The following ANKS1A variants were observed in gnomAD, a reference collection of about 807,000 sequenced individuals.
ANKS1A encodes ankyrin repeat and sterile alpha motif domain containing 1A.
ANKS1A carries 55 observed loss-of-function variants against 120.3 expected under a neutral mutation model. The ratio of observed to expected loss-of-function variants is 0.46; its 90% CI spans 0.37 to 0.57. ANKS1A has a LOEUF of 0.57. Among genes scored for constraint, ANKS1A ranks in the 20% least tolerant of loss-of-function variants. The pLI, the probability that ANKS1A is intolerant of heterozygous loss-of-function variation, is 0.00. For missense variants in ANKS1A, 1,123 were observed against 1,480.3 expected (o/e 0.76, Z 3.96); for synonymous variants, 590 against 604.7 (o/e 0.98, Z 0.36).
chr6:34,939,399 G>C (rs2127481478), intron 1 of ANKS1A, among the ~76,000 whole-genome samples: 1 of 152,344 alleles, frequency 6.6e-6, no homozygotes, highest in East Asian at 1.9e-4. Context: ...TTTGCCTGCA[G>C]ATCTTGTTGA....
intron 10 of ANKS1A, among the ~76,000 whole-genome samples, chr6:34,997,033 A>G (rs747980252): frequency 6.6e-6 from 1 of 152,096 alleles, no homozygotes; most frequent in Non-Finnish European, 1.5e-5. Context: ...ATTTAGAATC[A>G]GCTTATTGAT....
chr6:35,088,295 C>T (rs1778102885), intron 23 of ANKS1A, among the ~76,000 whole-genome samples: 1 of 152,186 alleles, frequency 6.6e-6, no homozygotes, highest in African/African-American at 2.4e-5. Flanking sequence ...AAGGAAGCGG[C>T]GCCCATAGGC....
At chr6:35,018,475 AG>A (rs1774158968) in intron 11 of ANKS1A, among the ~76,000 whole-genome samples, 1 of 152,016 alleles carries the variant, frequency 6.6e-6, no homozygotes, top group East Asian at 1.9e-4. Context: ...AGGGGTGTTT[AG>A]GGGAGGACAG....
intron 1 of ANKS1A, among the ~76,000 whole-genome samples, chr6:34,964,107 G>GA (rs1292127557): frequency 6.6e-6 from 1 of 152,064 alleles, no homozygotes; most frequent in African/African-American, 2.4e-5. Flanking sequence ...TTGCTGTACA[G>GA]AATCCCACTT....
chr6:34,917,769 C>T (rs922695796), intron 1 of ANKS1A, among the ~76,000 whole-genome samples: 7 of 152,350 alleles, frequency 4.6e-5, no homozygotes, highest in African/African-American at 1.7e-4. Flanking sequence ...GGTCTCACCT[C>T]TCCAAGCATG....
chr6:34,925,647 A>G (rs1478685057), intron 1 of ANKS1A, among the ~76,000 whole-genome samples: 1 of 152,196 alleles, frequency 6.6e-6, no homozygotes, highest in Admixed American at 6.5e-5. Flanking sequence ...TGTATGGGGT[A>G]TGAGGGAAAA....
At chr6:35,015,429 G>T (rs1348942300) in intron 10 of ANKS1A, among the ~76,000 whole-genome samples, 1 of 152,160 alleles carries the variant, frequency 6.6e-6, no homozygotes, top group East Asian at 1.9e-4. Flanking sequence ...AACCCAGGAG[G>T]CAGAGGTTGC....
At chr6:35,022,122 T>C (rs1774375568) in intron 11 of ANKS1A, among the ~76,000 whole-genome samples, 1 of 152,182 alleles carries the variant, frequency 6.6e-6, no homozygotes, top group Non-Finnish European at 1.5e-5. Context: ...ACTGCAGGGA[T>C]GGGAGAGCCC....
chr6:35,032,877 T>A (rs180743240), intron 11 of ANKS1A, among the ~76,000 whole-genome samples: 28 of 152,344 alleles, frequency 1.8e-4, no homozygotes, highest in African/African-American at 6.7e-4. Flanking sequence ...ACTGAATGTC[T>A]TATGACTTTC....
chr6:34,998,613 G>A lies in ANKS1A; in HGVS notation c.1423+4191G>A, dbSNP rs571399307. 9.9e-5 allele frequency among the ~76,000 whole-genome samples: 15 copies of A among 152,226 alleles called. No individual in the cohort carries two copies. The East Asian group carries it at 1.2e-3, about 12-fold the overall frequency. ...TCTGTTCTATTTCACTCTGACCACC[G>A]TTGCATGCAGCCCCTGTCACGTACC... On this transcript the variant is annotated intron_variant, in intron 10 of 23. Transcript: ENST00000360359.
intron 1 of ANKS1A, among the ~76,000 whole-genome samples, chr6:34,899,422 G>A (rs1883639): frequency 0.073 from 11,065 of 151,956 alleles, 606 homozygotes; most frequent in East Asian, 0.23. Context: ...TGAGGCCAGA[G>A]GATCACTTGA....
rs35521731 is a variant in ANKS1A at position 35,006,187 on chromosome 6, T to TAA, written c.1424-11267_1424-11266dup. 1.7e-4 allele frequency among the ~76,000 whole-genome samples: 22 copies of TAA among 128,286 alleles called. No individual in the cohort carries two copies. In the East Asian group the frequency reaches 2.3e-3, roughly 14 times the overall value. The allele number at this position is 128,286 out of a possible 152,430, so 84.2% of individuals were successfully genotyped here. The stretch of plus-strand genomic sequence containing the variant: ...TGGGTGACAGAGCAAGACTCTGTCT[T>TAA]AAAAAAAAAAAAAAAAAAAATCAAG... On this transcript the variant is annotated intron_variant, in intron 10 of 23. Coordinates refer to ENST00000360359, the MANE Select transcript of ANKS1A (RefSeq NM_015245.3).
chr6:35,044,274 C>T lies in ANKS1A; in HGVS notation c.2011-9825C>T, dbSNP rs966697709. Among the ~76,000 whole-genome samples the T allele has an allele frequency of 5.9e-5, 9 of 152,216 alleles. No homozygotes were observed. The highest frequency in any genetic ancestry group is 1.9e-4 in the African/African-American group (8 of 41,446). On this transcript the variant is annotated intron_variant, in intron 11 of 23. Coordinates refer to ENST00000360359, the MANE Select transcript of ANKS1A (RefSeq NM_015245.3). The surrounding 1 kb of genome is among the most constrained non-coding windows in gnomAD (Gnocchi z 4.4). ...TTAGCTCGCTGGCAGATCACTTAAG[C>T]GGAGGTCAATAACAGGTTTGCCAGG...
chr6:35,064,209 T>C (rs820080), intron 13 of ANKS1A, among the ~76,000 whole-genome samples: 63,870 of 151,984 alleles, frequency 0.42, 13,920 homozygotes, highest in East Asian at 0.62. Flanking sequence ...GAGTGAGGCA[T>C]ACCTTAGACA....
intron 10 of ANKS1A, among the ~76,000 whole-genome samples, chr6:35,017,074 G>A (rs771923584): frequency 1.1e-4 from 17 of 151,820 alleles, no homozygotes; most frequent in African/African-American, 4.1e-4. Flanking sequence ...TTGCTCACTG[G>A]TGCTCTTACT....
intron 1 of ANKS1A, among the ~76,000 whole-genome samples, chr6:34,964,277 A>T (rs1431354644): frequency 6.6e-6 from 1 of 152,090 alleles, no homozygotes; most frequent in African/African-American, 2.4e-5. Context: ...CAATATTATT[A>T]TTATAAAAGC....
At chr6:34,987,417 C>T (rs1342353502) in intron 8 of ANKS1A, among the ~76,000 whole-genome samples, 2 of 150,006 alleles carry the variant, frequency 1.3e-5, no homozygotes, top group African/African-American at 2.5e-5. Context: ...GTTTTTTTTT[C>T]CCTCAGTTAC....
At position 35,084,108 on chromosome 6, in the gene ANKS1A, C is replaced by T. The variant is rs750442308; in HGVS notation, c.2995-13C>T. Reference sequence around the variant, plus strand: ...TGAGCCTGAGAATTCCAGAACACGGCTTTCCCCAGCAGAACGTCATTGCAG... The same window carrying T: ...TGAGCCTGAGAATTCCAGAACACGGTTTTCCCCAGCAGAACGTCATTGCAG... On this transcript the variant is annotated splice_polypyrimidine_tract_variant and intron_variant, in intron 20 of 23. Coordinates refer to ENST00000360359, the MANE Select transcript of ANKS1A (RefSeq NM_015245.3). The surrounding 1 kb of genome is among the most constrained non-coding windows in gnomAD (Gnocchi z 4.8). The T allele has an allele frequency of 2.5e-6, 4 of 1,613,908 alleles. No individual in the cohort carries two copies. The Admixed American group carries it at 6.7e-5, about 27-fold the overall frequency.
chr6:34,895,624 G>C (rs1767030131), intron 1 of ANKS1A, among the ~76,000 whole-genome samples: 4 of 152,118 alleles, frequency 2.6e-5, no homozygotes, highest in Admixed American at 2.6e-4. Context: ...CCTGGAAACA[G>C]ATCTTGTGGA....
Sources: gnomAD v4.1 joint callset for allele counts (sites outside exome capture counted in the v4.1 genomes callset) on GRCh38, gnomAD v4.1.1 for gene constraint, Gnocchi (gnomAD v3.1) non-coding constraint, MANE v1.5 for transcripts, NCBI Gene and HGNC (gene_info 2026-07-23, HGNC 2026-07-21) for gene names.